RNF121: variants seen among roughly 807,000 people sequenced by gnomAD.
RNF121 encodes the protein E3 ubiquitin ligase RNF121.
RNF121 carries 21 observed loss-of-function variants against 46.5 expected under a neutral mutation model. That is an observed-to-expected ratio of 0.45 (90% confidence interval 0.32 to 0.65). The LOEUF is 0.65. RNF121 is among the 30% of genes least tolerant of loss of function. The pLI, the probability that RNF121 is intolerant of heterozygous loss-of-function variation, is 0.04. For synonymous variants in RNF121, 139 were observed against 144.7 expected, an observed-to-expected ratio of 0.96 and a Z score of 0.28; for missense variants, 346 against 416.0, an observed-to-expected ratio of 0.83 and a Z score of 1.46.
At chr11:71,984,282 T>C (rs1954721221) in intron 4 of RNF121, among the ~76,000 whole-genome samples, 1 of 152,216 alleles carries the variant, frequency 6.6e-6, no homozygotes, top group Non-Finnish European at 1.5e-5. Context: ...TAGTAACTAC[T>C]AGCTTTTTTT....
Position 71,996,476 on chromosome 11 carries a change from G to A in RNF121, c.*161G>A. On this transcript the variant is annotated 3_prime_UTR_variant, in exon 9 of 9. Coordinates refer to ENST00000361756, the MANE Select transcript of RNF121 (RefSeq NM_018320.5). ...TCGGACTGGGGAGGGATATGATGGA[G>A]AGCCAGCCAGTGGGGCTGTCAGCAG... 1 of 749,360 alleles carries A rather than the reference G, an allele frequency of 1.3e-6. No homozygotes were observed. The highest frequency in any genetic ancestry group is 2.1e-6 in the Non-Finnish European group (1 of 479,986). 46.4% of individuals were successfully genotyped at this position (749,360 alleles called of 1,614,324 possible).
intron 3 of RNF121, chr11:71,978,243 C>G: frequency 4.5e-6 from 2 of 448,662 alleles, no homozygotes; most frequent in South Asian, 3.1e-5. Context: ...CAGGTAACTT[C>G]CCCTTTTATC....
intron 4 of RNF121, among the ~76,000 whole-genome samples, chr11:71,984,308 G>A (rs945060126): frequency 4.7e-4 from 72 of 152,070 alleles, no homozygotes; most frequent in African/African-American, 1.6e-3. Context: ...ATGGAGTCTC[G>A]CTCTGTCGCC....
At chr11:71,977,490 C>T (rs1015431675) in intron 3 of RNF121, among the ~76,000 whole-genome samples, 3 of 152,198 alleles carry the variant, frequency 2.0e-5, no homozygotes, top group African/African-American at 4.8e-5. Context: ...TGGACTAGCT[C>T]TTACTGTTAG....
chr11:71,970,369 A>T (rs1954393848), intron 3 of RNF121, among the ~76,000 whole-genome samples: 1 of 152,210 alleles, frequency 6.6e-6, no homozygotes, highest in Non-Finnish European at 1.5e-5. Context: ...TGAAACCACA[A>T]AAGTAGTTTT....
chr11:71,936,350 C>T (rs1953409622), intron 1 of RNF121, among the ~76,000 whole-genome samples: 1 of 151,854 alleles, frequency 6.6e-6, no homozygotes, highest in Non-Finnish European at 1.5e-5. Flanking sequence ...ATTCCCATTC[C>T]AATACCTGCC....
rs35710756 is a variant in RNF121, at chr11:71,976,345, CTTTTTTTTTTTTTT to C, written c.244-6401_244-6388del. 1.3e-4 allele frequency among the ~76,000 whole-genome samples: 6 copies of C among 46,068 alleles called. No individual in the cohort carries two copies. The East Asian group carries it at 2.4e-3, about 18-fold the overall frequency. The allele number at this position is 46,068 out of a possible 152,430, so 30.2% of individuals were successfully genotyped here. A position where few individuals can be genotyped will look rare whatever the true frequency, so the allele number is the denominator to read the frequency against. ...CTGCCCCCTCCATTCTGGGTATATT[CTTTTTTTTTTTTTT>C]TTTTTTTTTTTTTTGAGATGGAGTC... On this transcript the variant is annotated intron_variant, in intron 3 of 8. Coordinates refer to ENST00000361756, the MANE Select transcript of RNF121 (RefSeq NM_018320.5).
chr11:71,985,512 G>A (rs1043565460), intron 4 of RNF121, among the ~76,000 whole-genome samples: 9 of 152,144 alleles, frequency 5.9e-5, no homozygotes, highest in African/African-American at 2.2e-4. Context: ...GGAGAATAGA[G>A]CTGTGTGTGT....
At chr11:71,968,960 A>C (rs1954356579) in intron 3 of RNF121, among the ~76,000 whole-genome samples, 1 of 143,532 alleles carries the variant, frequency 7.0e-6, no homozygotes, top group Non-Finnish European at 1.5e-5. Context: ...ATCTCGGCTC[A>C]CTGCAACCTC....
At chr11:71,940,060 G>A (rs1040995058) in intron 1 of RNF121, among the ~76,000 whole-genome samples, 1 of 152,234 alleles carries the variant, frequency 6.6e-6, no homozygotes, top group Non-Finnish European at 1.5e-5. Context: ...AGTTTATCAT[G>A]TGGATAGGAG....
At chr11:71,956,067 T>G (rs982404400) in intron 1 of RNF121, among the ~76,000 whole-genome samples, 3 of 152,244 alleles carry the variant, frequency 2.0e-5, no homozygotes, top group Non-Finnish European at 4.4e-5. Context: ...GGTAAATATG[T>G]GCTGATTTGA....
chr11:71,950,954 G>C (rs1265740211), intron 1 of RNF121, among the ~76,000 whole-genome samples: 3 of 152,086 alleles, frequency 2.0e-5, no homozygotes, highest in African/African-American at 7.2e-5. Context: ...GCTGGGTATG[G>C]TGGCCCACAC....
chr11:71,982,728 GC>G, intron 3 of RNF121, 32 bp from the exon 4 acceptor site: 1 of 1,582,428 alleles, frequency 6.3e-7, no homozygotes, highest in East Asian at 2.3e-5. Flanking sequence ...GAGGGAGCTG[GC>G]CAGAGCTGAA....
intron 1 of RNF121, among the ~76,000 whole-genome samples, chr11:71,950,638 C>G (rs908217577): frequency 5.3e-5 from 8 of 151,960 alleles, no homozygotes; most frequent in African/African-American, 1.9e-4. Flanking sequence ...TTATACCTCA[C>G]CACACTAAAG....
Position 71,957,263 on chromosome 11 carries a change from A to C in RNF121, c.100A>C (p.Arg34=), listed in dbSNP as rs777269663. 3.1e-6 allele frequency: 5 copies of C among 1,596,500 alleles called. No homozygotes were observed. In the South Asian group the frequency reaches 5.5e-5, roughly 18 times the overall value. The part of the protein sequence containing the change: ...MSDLSPEEQW[R]VEHARMHAKH... Reference sequence around the variant, plus strand: ...AGATCTCTCTCCAGAAGAGCAATGGAGGTAAGTGTGGTAGTTCGGGCCCTG... The same window carrying C: ...AGATCTCTCTCCAGAAGAGCAATGGCGGTAAGTGTGGTAGTTCGGGCCCTG... The change falls in exon 2 of 9, where the codon AGG becomes CGG. Residue 34 remains arginine (R), a splice_region_variant and synonymous_variant. Coordinates refer to ENST00000361756, the MANE Select transcript of RNF121 (RefSeq NM_018320.5).
In RNF121 at chr11:71,997,565, A is replaced by C. The variant is rs1955014903; in HGVS notation, c.*1250A>C. On this transcript the variant is annotated 3_prime_UTR_variant, in exon 9 of 9. Transcript: ENST00000361756. Reference sequence around the variant, plus strand: ...GCAGGATGTTGTCACTCCCGTCTGAATAAAGCTCCATGAGCTGGGTTGGAA... The same window carrying C: ...GCAGGATGTTGTCACTCCCGTCTGACTAAAGCTCCATGAGCTGGGTTGGAA... 1 of 152,214 alleles carries C rather than the reference A, an allele frequency of 6.6e-6. No individual in the cohort carries two copies. Among genetic ancestry groups the C allele is most frequent in the Non-Finnish European group, 1.5e-5 (1 of 68,038 alleles). The allele number at this position is 152,214 out of a possible 1,614,324, so 9.4% of individuals were successfully genotyped here. A position where few individuals can be genotyped will look rare whatever the true frequency, so the allele number is the denominator to read the frequency against.
At chr11:71,952,583 C>CAGGT (rs1283238420) in intron 1 of RNF121, among the ~76,000 whole-genome samples, 2 of 151,886 alleles carry the variant, frequency 1.3e-5, no homozygotes, top group African/African-American at 4.8e-5. Flanking sequence ...CTGAGGCAGG[C>CAGGT]AGGTCACTTG....
At position 71,997,359 on chromosome 11, in the gene RNF121, G is replaced by T. The variant is rs1955005000; in HGVS notation, c.*1044G>T. 1 of 152,202 alleles carries T rather than the reference G, an allele frequency of 6.6e-6. No homozygotes were observed. Among genetic ancestry groups the T allele is most frequent in the Admixed American group, 6.5e-5 (1 of 15,278 alleles). 9.4% of individuals were successfully genotyped at this position (152,202 alleles called of 1,614,324 possible). A position where few individuals can be genotyped will look rare whatever the true frequency, so the allele number is the denominator to read the frequency against. On this transcript the variant is annotated 3_prime_UTR_variant, in exon 9 of 9. Transcript: ENST00000361756. The stretch of plus-strand genomic sequence containing the variant: ...TTTGTCATTCATGGGTCCTCCCTGG[G>T]CCTGACAACGGGAGTGGTGGGTGGG...
rs552760357 is a variant in RNF121, at chr11:71,973,907, A to C, written c.244-8854A>C. On this transcript the variant is annotated intron_variant, in intron 3 of 8. Transcript: ENST00000361756. ...AAATTTAAAACAGAAAATTTTGAAA[A>C]ATACAAAAAACAAAAGCCCTGTATT... Among the ~76,000 whole-genome samples the C allele has an allele frequency of 1.5e-4, 23 of 152,216 alleles. 1 individual carries two copies. Among genetic ancestry groups the C allele is most frequent in the Admixed American group, 7.9e-4 (12 of 15,282 alleles).
Sources: allele counts gnomAD v4.1 joint callset (sites outside exome capture counted in the v4.1 genomes callset), GRCh38; gene constraint gnomAD v4.1.1; transcripts MANE v1.5; gene names NCBI Gene and HGNC (gene_info 2026-07-23, HGNC 2026-07-21).